Variants in PON3 observed in about 807,000 individuals in gnomAD.
The protein encoded by PON3 is serum paraoxonase/lactonase 3.
Under a neutral mutation model 36.3 loss-of-function variants are expected in PON3, and 37 were observed. That is an observed-to-expected ratio of 1.02 (90% CI 0.78 to 1.34). PON3 has a LOEUF of 1.34. Among genes scored for constraint, PON3 ranks in the 40% most tolerant of loss-of-function variants. The pLI, the probability that PON3 is intolerant of heterozygous loss-of-function variation, is 0.00. For missense variants in PON3, 415 were observed against 426.5 expected, an observed-to-expected ratio of 0.97 and a Z score of 0.24; for synonymous variants, 155 against 154.8, an observed-to-expected ratio of 1.00 and a Z score of -0.01.
chr7:95,394,786 A>C (rs780097935), intron 1 of PON3, 72 bp from the exon 2 acceptor site: 3 of 1,204,378 alleles, frequency 2.5e-6, no homozygotes, highest in East Asian at 2.3e-5. Flanking sequence ...TGTGGACTTC[A>C]ATCATCTTCG....
At chr7:95,367,596 C>T in intron 4 of PON3, 108 bp from the exon 5 acceptor site, 1 of 1,213,704 alleles carries the variant, frequency 8.2e-7, no homozygotes, top group Non-Finnish European at 1.2e-6. Flanking sequence ...TTACATCTTG[C>T]ATTTTACCCT....
chr7:95,374,696 A>AATTACTTTAT (rs1808877258), intron 3 of PON3, among the ~76,000 whole-genome samples: 1 of 152,070 alleles, frequency 6.6e-6, no homozygotes, highest in Non-Finnish European at 1.5e-5. Flanking sequence ...AGATCATATA[A>AATTACTTTAT]ATGGTCTCCA....
chr7:95,370,584 T>A (rs1191544723), intron 4 of PON3, among the ~76,000 whole-genome samples: 1 of 152,236 alleles, frequency 6.6e-6, no homozygotes, highest in Non-Finnish European at 1.5e-5. Context: ...TAAGATTTCA[T>A]GGAATTCTAG....
intron 2 of PON3, among the ~76,000 whole-genome samples, chr7:95,392,039 TA>T (rs911888223): frequency 4.6e-5 from 7 of 152,246 alleles, no homozygotes. Flanking sequence ...GTCAATTTCC[TA>T]ATCTGCAAAG....
At chr7:95,363,406 T>C (rs1808620580) in intron 6 of PON3, 1 of 189,528 alleles carries the variant, frequency 5.3e-6, no homozygotes, top group South Asian at 1.0e-4. Context: ...GGTTTTCTCA[T>C]TGAATGGTCT....
chr7:95,387,745 A>G (rs905294613), intron 3 of PON3, among the ~76,000 whole-genome samples: 1 of 152,216 alleles, frequency 6.6e-6, no homozygotes, highest in Non-Finnish European at 1.5e-5. Flanking sequence ...CTACAAGGCT[A>G]CAGTAACCAA....
chr7:95,377,020 T>G (rs1358808683), intron 3 of PON3, among the ~76,000 whole-genome samples: 2 of 152,226 alleles, frequency 1.3e-5, no homozygotes, highest in Non-Finnish European at 2.9e-5. Context: ...AGTCTGTACC[T>G]GGAGGAACGG....
chr7:95,378,324 C>T (rs534649574), intron 3 of PON3, among the ~76,000 whole-genome samples: 5 of 152,200 alleles, frequency 3.3e-5, no homozygotes, highest in African/African-American at 9.7e-5. Flanking sequence ...ACTTAGAAAA[C>T]ACTCTTCAGG....
intron 3 of PON3, among the ~76,000 whole-genome samples, chr7:95,375,341 T>C (rs1179829293): frequency 1.3e-5 from 2 of 150,124 alleles, no homozygotes; most frequent in Non-Finnish European, 3.0e-5. Context: ...TGTATGTATA[T>C]ATATACACAC....
At position 95,371,830 on chromosome 7, in the gene PON3, G is replaced by A. The variant is rs148889521; in HGVS notation, c.367+343C>T. ...TTTGTTTTTTTCCCCCTTATGTTATGTTTTTTAACGTCTCACAGTTGTCTT... is the reference window on the plus strand; with the variant it reads ...TTTGTTTTTTTCCCCCTTATGTTATATTTTTTAACGTCTCACAGTTGTCTT... On this transcript the variant is annotated intron_variant, in intron 4 of 8. Coordinates refer to ENST00000265627, the MANE Select transcript of PON3 (RefSeq NM_000940.3). Among the ~76,000 whole-genome samples the A allele has an allele frequency of 6.3e-3, 949 of 151,812 alleles. 9 individuals are homozygous for A. The highest frequency in any genetic ancestry group is 0.022 in the African/African-American group (897 of 41,420).
At chr7:95,367,331 A>C (rs1477414181) in intron 5 of PON3, 31 bp downstream of exon 5, 3 of 1,607,546 alleles carry the variant, frequency 1.9e-6, no homozygotes, top group Non-Finnish European at 2.5e-6. Flanking sequence ...GTGCAAAGTA[A>C]ATAGAACCGC....
At chr7:95,381,390 TA>T (rs1809050905) in intron 3 of PON3, among the ~76,000 whole-genome samples, 1 of 152,162 alleles carries the variant, frequency 6.6e-6, no homozygotes. Context: ...ATGCTCCAAT[TA>T]AAAGACACAG....
rs369650254 is a variant in PON3, at chr7:95,360,084, G to A, written c.954C>T (p.Thr318=). 7.7e-5 allele frequency: 124 copies of A among 1,613,342 alleles called. No homozygotes were observed. Among genetic ancestry groups the A allele is most frequent in the South Asian group, 1.6e-4 (15 of 91,068 alleles). Residue 318 remains threonine, a synonymous_variant, in exon 9 of 9, where the codon ACC becomes ACT. Coordinates refer to ENST00000265627, the MANE Select transcript of PON3 (RefSeq NM_000940.3). ...NVLSEKPRVS[T]VYANNGSVLQ... is the part of the protein sequence containing the mutation. ...GCACAGAGCCATTGTTGGCATACAC[G>A]GTGCTCACCCTGGGCTTCTCAGACA...
intron 3 of PON3, among the ~76,000 whole-genome samples, chr7:95,388,165 G>A (rs1374659963): frequency 6.6e-6 from 1 of 152,094 alleles, no homozygotes; most frequent in Non-Finnish European, 1.5e-5. Flanking sequence ...CCTATGGAAT[G>A]GGAGAAAATT....
At chr7:95,395,056 A>C (rs115150728) in intron 1 of PON3, among the ~76,000 whole-genome samples, 144 of 152,350 alleles carry the variant, frequency 9.5e-4, no homozygotes, top group African/African-American at 3.4e-3. Flanking sequence ...CTAATTTTCT[A>C]AAGTATCGTC....
At chr7:95,362,561 C>T in intron 7 of PON3, 71 bp from the exon 8 acceptor site, 1 of 1,603,488 alleles carries the variant, frequency 6.2e-7, no homozygotes, top group Non-Finnish European at 8.5e-7. Flanking sequence ...TTCATCCCCA[C>T]AACCCCTACA....
chr7:95,378,253 G>A lies in PON3; in HGVS notation c.202-5915C>T, dbSNP rs144073619. Among the ~76,000 whole-genome samples, 949 of 152,316 alleles carry A rather than the reference G, an allele frequency of 6.2e-3. 9 individuals carry two copies. Among genetic ancestry groups the A allele is most frequent in the African/African-American group, 0.022 (898 of 41,574 alleles). On this transcript the variant is annotated intron_variant, in intron 3 of 8. Transcript: ENST00000265627. ...AAGCCTCCAAGAAATATGGGACTCT[G>A]TGAAAAGACCAAATCTACGTTTGAT...
rs191115265 is a variant in PON3 at position 95,388,483 on chromosome 7, T to G, written c.201+1671A>C. ...TGGAGAAATAGGAACACTTTTACAC[T>G]GTTGGTGGGAGTGTAAATTAGTTCA... is the stretch of plus-strand genomic sequence containing the variant. On this transcript the variant is annotated intron_variant, in intron 3 of 8. Coordinates refer to ENST00000265627, the MANE Select transcript of PON3 (RefSeq NM_000940.3). 3.3e-5 allele frequency among the ~76,000 whole-genome samples: 5 copies of G among 152,334 alleles called. No individual in the cohort carries two copies. The East Asian group carries it at 9.6e-4, about 29-fold the overall frequency.
chr7:95,379,749 C>T lies in PON3; in HGVS notation c.202-7411G>A, dbSNP rs189603410. Among the ~76,000 whole-genome samples the T allele has an allele frequency of 2.2e-3, 328 of 152,328 alleles. 10 individuals carry two copies. The East Asian group carries it at 0.058, about 27-fold the overall frequency. ...GCCCACCGCAGCTCAAGGATGCCTG[C>T]CTGCCTCTGTAGACTCCACCTCTGG... On this transcript the variant is annotated intron_variant, in intron 3 of 8. Transcript: ENST00000265627.
Sources: allele counts gnomAD v4.1 joint callset (sites outside exome capture counted in the v4.1 genomes callset), GRCh38; gene constraint gnomAD v4.1.1; transcripts MANE v1.5; gene names NCBI Gene and HGNC (gene_info 2026-07-23, HGNC 2026-07-21).